The following ANK2 variants were observed in gnomAD, a reference collection of about 807,000 sequenced individuals.
ANK2 encodes the protein ankyrin 2.
ANK2 carries 83 observed loss-of-function variants against 360.5 expected under a neutral mutation model. The observed-to-expected ratio is 0.23, with a 90% confidence interval of 0.19 to 0.28. The LOEUF is 0.28. Ranked by LOEUF, ANK2 falls within the 10% of genes least tolerant of loss-of-function variation. The pLI is 1.00. For missense variants in ANK2, 4,201 were observed against 4,795.7 expected (o/e 0.88, Z 3.66); for synonymous variants, 1,740 against 1,759.5 (o/e 0.99, Z 0.28).
At chr4:112,795,481 G>A in the ANK2 span, among the ~76,000 whole-genome samples, 94 of 150,946 alleles carry the variant, frequency 6.2e-4, no homozygotes, top group Admixed American at 1.3e-3. Flanking sequence ...TCCAGGTACA[G>A]GATTAGAAAG....
Position 113,067,168 on chromosome 4 carries a change from G to A in ANK2, c.84+17356G>A, listed in dbSNP as rs143760749. Among the ~76,000 whole-genome samples, 460 of 152,134 alleles carry A rather than the reference G, an allele frequency of 3.0e-3. 1 individual carries two copies. The highest frequency in any genetic ancestry group is 5.6e-3 in the Non-Finnish European group (379 of 68,010). On this transcript the variant is annotated intron_variant, in intron 1 of 45. Transcript: ENST00000357077. ...TTTTTGTCACTCTGGAGACTGCAGC[G>A]AATGGGAAAATCTGGAGACAGATTT...
chr4:113,341,419 A>T (rs886693917), intron 32 of ANK2, among the ~76,000 whole-genome samples: 19 of 152,234 alleles, frequency 1.2e-4, no homozygotes, highest in Non-Finnish European at 2.6e-4. Flanking sequence ...AAAGAAAATT[A>T]GAAATACAGT....
At chr4:113,118,652 C>G (rs11943192) in intron 1 of ANK2, among the ~76,000 whole-genome samples, 99,190 of 152,054 alleles carry the variant, frequency 0.65, 32,697 homozygotes, top group Non-Finnish European at 0.68. Context: ...GCTTGTCTGA[C>G]CTTTAAAAGG....
chr4:112,879,201 C>T (rs188738511), intron 1 of ANK2, among the ~76,000 whole-genome samples: 1 of 152,288 alleles, frequency 6.6e-6, no homozygotes, highest in East Asian at 1.9e-4. Flanking sequence ...ATGTGAGTCC[C>T]CCCACCAACA....
chr4:113,373,488 A>G (rs929357507), intron 45 of ANK2, 39 bp downstream of exon 45: 1 of 1,603,998 alleles, frequency 6.2e-7, no homozygotes, highest in African/African-American at 1.3e-5. Flanking sequence ...TTTGATGGAG[A>G]GGAACAAAAT....
chr4:113,022,820 A>G (rs192850514), intron 2 of ANK2, among the ~76,000 whole-genome samples: 5 of 152,336 alleles, frequency 3.3e-5, no homozygotes, highest in Admixed American at 1.3e-4. Context: ...GATGGAAGCA[A>G]TGCTGTTGAA....
intron 22 of ANK2, among the ~76,000 whole-genome samples, chr4:113,296,878 T>C (rs1341291251): frequency 6.6e-6 from 1 of 152,182 alleles, no homozygotes; most frequent in Non-Finnish European, 1.5e-5. Flanking sequence ...TTTCTATTAT[T>C]TGTATAATCT....
At chr4:113,074,638 T>C (rs775877027) in intron 1 of ANK2, among the ~76,000 whole-genome samples, 2 of 152,118 alleles carry the variant, frequency 1.3e-5, no homozygotes, top group Non-Finnish European at 2.9e-5. Flanking sequence ...ATGAAGGAAG[T>C]AATATTTAAG....
chr4:112,837,976 G>A (rs1463506092), intron 1 of ANK2, among the ~76,000 whole-genome samples: 1 of 152,162 alleles, frequency 6.6e-6, no homozygotes, highest in African/African-American at 2.4e-5. Context: ...AGGCATGATT[G>A]GTTTCAAAAT....
At chr4:113,342,520 GC>G (rs1413395956) in intron 33 of ANK2, among the ~76,000 whole-genome samples, 2 of 152,028 alleles carry the variant, frequency 1.3e-5, no homozygotes, top group African/African-American at 2.4e-5. Context: ...GGCCAACATG[GC>G]AAAACCCTAT....
intron 2 of ANK2, among the ~76,000 whole-genome samples, chr4:112,964,614 AG>A (rs1350272050): frequency 7.0e-6 from 1 of 142,316 alleles, no homozygotes; most frequent in Non-Finnish European, 1.5e-5. Flanking sequence ...TCTGTTGCCC[AG>A]GCTGGAGTGC....
intron 2 of ANK2, among the ~76,000 whole-genome samples, chr4:112,973,465 G>A (rs1473054198): frequency 6.6e-6 from 1 of 152,184 alleles, no homozygotes; most frequent in Non-Finnish European, 1.5e-5. Context: ...GACTAGTTCA[G>A]CGCTGTTCCA....
At chr4:112,978,905 T>C (rs2042249017) in intron 2 of ANK2, among the ~76,000 whole-genome samples, 1 of 152,262 alleles carries the variant, frequency 6.6e-6, no homozygotes, top group Non-Finnish European at 1.5e-5. Context: ...GCCAACTGTG[T>C]AGGCTCATAT....
At chr4:113,073,307 A>G (rs1237543331) in intron 1 of ANK2, among the ~76,000 whole-genome samples, 1 of 152,110 alleles carries the variant, frequency 6.6e-6, no homozygotes, top group Non-Finnish European at 1.5e-5. Context: ...CTGGCACATA[A>G]ATATTCCTCA....
chr4:113,344,342 A>G (rs2094594549), intron 34 of ANK2, among the ~76,000 whole-genome samples: 1 of 152,120 alleles, frequency 6.6e-6, no homozygotes. Context: ...AAGAGATACC[A>G]CTCCATACCC....
Position 113,354,183 on chromosome 4 carries a change from ACCTGTGTC to A in ANK2, c.5566_5573del (p.Pro1856ThrfsTer16). Reference sequence around the variant, plus strand: ...CATCAAGTAAAACTGAGAAACACTCACCTGTGTCACCCTCTGCAAAAACGGAAAGACAT... The same window carrying A: ...CATCAAGTAAAACTGAGAAACACTCAACCCTCTGCAAAAACGGAAAGACAT... On this transcript the variant is annotated frameshift_variant, in exon 38 of 46. Transcript: ENST00000357077. LOFTEE classifies it high-confidence loss of function. The A allele has an allele frequency of 6.2e-7, 1 of 1,614,000 alleles. No homozygotes were observed. Among genetic ancestry groups the A allele is most frequent in the Non-Finnish European group, 8.5e-7 (1 of 1,179,932 alleles).
intron 1 of ANK2, among the ~76,000 whole-genome samples, chr4:112,849,092 T>A (rs895146497): frequency 6.6e-6 from 1 of 152,224 alleles, no homozygotes; most frequent in Non-Finnish European, 1.5e-5. Flanking sequence ...AGCATCTGTA[T>A]GGAGGCCAAA....
intron 1 of ANK2, among the ~76,000 whole-genome samples, chr4:113,065,217 T>A (rs1236530453): frequency 6.7e-6 from 1 of 150,154 alleles, no homozygotes; most frequent in Non-Finnish European, 1.5e-5. Context: ...ACAAAAATGT[T>A]AGAAAGTTCT....
rs779991081 is a variant in ANK2, at chr4:113,302,804, C to T, written c.2513C>T (p.Thr838Met). 1.1e-5 allele frequency: 18 copies of T among 1,613,860 alleles called. No individual in the cohort carries two copies. Among genetic ancestry groups the T allele is most frequent in the East Asian group, 2.2e-5 (1 of 44,868 alleles). ...TEKHKLNVPE[T>M]MTEVLDVSDE... ...AAACACAAACTAAATGTACCTGAGA[C>T]GATGACTGAGGTTCTTGATGTTTCT... The change falls in exon 23 of 46, where the codon ACG becomes ATG. Residue 838 changes from threonine (T) to methionine (M), a missense_variant. Physicochemically the swap from Thr to Met is moderately conservative, Grantham distance 81. Around this residue, in one of 4 missense-constraint regions of ANK2, gnomAD observed 1,268 missense variants for 1,650.8 expected, o/e 0.77. Coordinates refer to ENST00000357077, the MANE Select transcript of ANK2 (RefSeq NM_001148.6).
Sources: allele counts gnomAD v4.1 joint callset (sites outside exome capture counted in the v4.1 genomes callset), GRCh38; gene constraint gnomAD v4.1.1; regional missense constraint gnomAD v4.1.1; transcripts MANE v1.5; gene names NCBI Gene and HGNC (gene_info 2026-07-23, HGNC 2026-07-21).